The following EDNRB variants were observed in gnomAD, a reference collection of about 807,000 sequenced individuals.
EDNRB encodes Hirschsprung disease 2.
A neutral mutation model predicts 46.4 loss-of-function variants in EDNRB; 18 were observed. The observed-to-expected ratio is 0.39, with a 90% confidence interval of 0.27 to 0.57. EDNRB has a LOEUF of 0.57. EDNRB is among the 20% of genes least tolerant of loss of function. The pLI, the probability that EDNRB is intolerant of heterozygous loss-of-function variation, is 0.61. For missense variants in EDNRB, 434 were observed against 537.5 expected (o/e 0.81, Z 1.90); for synonymous variants, 213 against 204.9 (o/e 1.04, Z -0.34).
At position 77,940,700 on chromosome 13, in the gene EDNRB, GGTGTGTGTGTGTGT is replaced by G. The variant is rs6145134; in HGVS notation, c.-51-22090_-51-22077del. 8.4e-3 allele frequency among the ~76,000 whole-genome samples: 1,248 copies of G among 149,162 alleles called. 25 individuals carry two copies. The highest frequency in any genetic ancestry group is 0.024 in the African/African-American group (969 of 40,480). On this transcript the variant is annotated intron_variant, in intron 1 of 7. Coordinates refer to the EDNRB transcript ENST00000646948. Reference sequence around the variant, plus strand: ...TCAAAGCCAAGGAAAAGATGAATTGGGTGTGTGTGTGTGTGTGTGTGTGTGTGTGTGTGTGTGTG... The same window carrying G: ...TCAAAGCCAAGGAAAAGATGAATTGGGTGTGTGTGTGTGTGTGTGTGTGTG...
intron 1 of EDNRB, among the ~76,000 whole-genome samples, chr13:77,910,426 A>T (rs1188375288): frequency 6.6e-6 from 1 of 151,964 alleles, no homozygotes; most frequent in African/African-American, 2.4e-5. Context: ...CTAGAGTTTT[A>T]ATGAGATAGG....
intron 1 of EDNRB, among the ~76,000 whole-genome samples, chr13:77,943,782 G>A (rs1852114270): frequency 6.6e-6 from 1 of 151,906 alleles, no homozygotes; most frequent in African/African-American, 2.4e-5. Context: ...TCAGCAATCA[G>A]AAATATACCC....
chr13:77,925,571 A>T (rs1482350195), intron 1 of EDNRB, among the ~76,000 whole-genome samples: 1 of 152,258 alleles, frequency 6.6e-6, no homozygotes, highest in Admixed American at 6.5e-5. Context: ...GCAGGTGCAC[A>T]GAAGTCAAGA....
chr13:77,965,615 G>C (rs1041476147), intron 1 of EDNRB, among the ~76,000 whole-genome samples: 1 of 152,120 alleles, frequency 6.6e-6, no homozygotes, highest in South Asian at 2.1e-4. Flanking sequence ...GAGCAAAGAG[G>C]AATTAAAGTT....
At chr13:77,914,484 T>C (rs1223749605) in intron 1 of EDNRB, among the ~76,000 whole-genome samples, 1 of 152,228 alleles carries the variant, frequency 6.6e-6, no homozygotes, top group Admixed American at 6.5e-5. Flanking sequence ...TTCATTGTTC[T>C]TCTGGTTGGT....
At chr13:77,963,624 A>G (rs1311547818) in intron 1 of EDNRB, among the ~76,000 whole-genome samples, 1 of 152,188 alleles carries the variant, frequency 6.6e-6, no homozygotes, top group Non-Finnish European at 1.5e-5. Flanking sequence ...TTAATTCAAG[A>G]TGGATTAAAG....
chr13:77,961,704 C>A (rs1881418450), intron 1 of EDNRB, among the ~76,000 whole-genome samples: 1 of 152,128 alleles, frequency 6.6e-6, no homozygotes, highest in South Asian at 2.1e-4. Context: ...GACACCCTAA[C>A]ATCACAATTA....
At chr13:77,922,471 C>T (rs780263419), upstream of EDNRB, among the ~76,000 whole-genome samples, 4 of 152,154 alleles carry the variant, frequency 2.6e-5, no homozygotes, top group African/African-American at 7.2e-5. Flanking sequence ...AATGTGCCCT[C>T]AAAACCTATG....
intron 1 of EDNRB, among the ~76,000 whole-genome samples, chr13:77,924,968 C>G (rs1486171514): frequency 6.6e-6 from 1 of 152,198 alleles, no homozygotes; most frequent in Non-Finnish European, 1.5e-5. Context: ...GTCCAATAAA[C>G]TTCTTTCTTT....
chr13:77,959,768 A>G (rs369162973), intron 1 of EDNRB, among the ~76,000 whole-genome samples: 3 of 152,346 alleles, frequency 2.0e-5, no homozygotes, highest in East Asian at 3.9e-4. Context: ...CGAACCCATC[A>G]TACAGAAGCT....
intron 1 of EDNRB, among the ~76,000 whole-genome samples, chr13:77,917,171 G>C (rs1314690550): frequency 6.6e-6 from 1 of 152,128 alleles, no homozygotes; most frequent in African/African-American, 2.4e-5. Context: ...CATATAGCTT[G>C]CACTTTGGAA....
intron 1 of EDNRB, among the ~76,000 whole-genome samples, chr13:77,956,200 T>C (rs1414944478): frequency 6.6e-6 from 1 of 152,216 alleles, no homozygotes; most frequent in East Asian, 1.9e-4. Flanking sequence ...TTAACTTCTT[T>C]TATCAGTGTC....
intron 1 of EDNRB, among the ~76,000 whole-genome samples, chr13:77,949,375 A>G (rs754438117): frequency 7.9e-5 from 12 of 152,178 alleles, no homozygotes; most frequent in Non-Finnish European, 1.8e-4. Flanking sequence ...GCAGTCTGAG[A>G]TGAGGGTTCC....
chr13:77,974,904 T>C (rs147653041), intron 1 of EDNRB, among the ~76,000 whole-genome samples: 148 of 152,234 alleles, frequency 9.7e-4, no homozygotes, highest in African/African-American at 3.4e-3. Flanking sequence ...TTTTTCAACA[T>C]AGTTCCTAGT....
At chr13:77,918,932 G>A, upstream of EDNRB, 1 of 1,186,510 alleles carries the variant, frequency 8.4e-7, no homozygotes, top group Non-Finnish European at 1.0e-6. This position sits in a 1 kb window ranked among gnomAD's most constrained non-coding sequence, Gnocchi z 4.5. Context: ...GCAAAGCTCC[G>A]AACTCTTTCA....
At chr13:77,943,340 G>A (rs1880806271) in intron 1 of EDNRB, among the ~76,000 whole-genome samples, 1 of 152,012 alleles carries the variant, frequency 6.6e-6, no homozygotes, top group South Asian at 2.1e-4. Flanking sequence ...TAAATGTTAT[G>A]GATAATCTCT....
At chr13:77,949,066 T>G (rs1393909190) in intron 1 of EDNRB, among the ~76,000 whole-genome samples, 1 of 152,196 alleles carries the variant, frequency 6.6e-6, no homozygotes, top group Non-Finnish European at 1.5e-5. Context: ...TTTTTAAAAT[T>G]TAGTTTATTT....
chr13:77,968,737 C>T (rs1296589698), intron 1 of EDNRB, among the ~76,000 whole-genome samples: 1 of 152,142 alleles, frequency 6.6e-6, no homozygotes, highest in Non-Finnish European at 1.5e-5. Flanking sequence ...GTCAGCTGAT[C>T]ATTGGTGATT....
At chr13:77,952,069 G>A (rs1213896621) in intron 1 of EDNRB, among the ~76,000 whole-genome samples, 1 of 152,102 alleles carries the variant, frequency 6.6e-6, no homozygotes. Context: ...CAGGGAAGAG[G>A]TCCCGATCCA....
Sources: allele counts gnomAD v4.1 joint callset (sites outside exome capture counted in the v4.1 genomes callset), GRCh38; gene constraint gnomAD v4.1.1; non-coding constraint Gnocchi (gnomAD v3.1); transcripts MANE v1.5; gene names NCBI Gene and HGNC (gene_info 2026-07-23, HGNC 2026-07-21).